The following STX3 variants were observed in gnomAD, a reference collection of about 807,000 sequenced individuals.
STX3 encodes the protein syntaxin-3.
In STX3, 19 loss-of-function variants were observed where a neutral mutation model predicts 40.2. That is an observed-to-expected ratio of 0.47 (90% confidence interval 0.33 to 0.69). The LOEUF is 0.69. Ranked by LOEUF, STX3 falls within the 30% of genes least tolerant of loss-of-function variation. The pLI, the probability that STX3 is intolerant of heterozygous loss-of-function variation, is 0.02. For missense variants in STX3, 364 were observed against 366.7 expected (o/e 0.99, Z 0.06); for synonymous variants, 122 against 132.2 (o/e 0.92, Z 0.53).
chr11:59,784,420 G>T (rs1399279935), intron 2 of STX3, among the ~76,000 whole-genome samples: 1 of 152,226 alleles, frequency 6.6e-6, no homozygotes, highest in Non-Finnish European at 1.5e-5. Flanking sequence ...ATGGTGTGAT[G>T]CAATGACATG....
At chr11:59,760,966 A>G (rs1590745892) in intron 1 of STX3, among the ~76,000 whole-genome samples, 1 of 152,198 alleles carries the variant, frequency 6.6e-6, no homozygotes, top group East Asian at 1.9e-4. Flanking sequence ...CTCTTAGTTG[A>G]TTAATAACAG....
intron 10 of STX3, chr11:59,799,796 A>G: frequency 1.0e-6 from 1 of 985,384 alleles, no homozygotes; most frequent in Non-Finnish European, 1.2e-6. Flanking sequence ...ACAACCTCTC[A>G]TAGACAGGTG....
chr11:59,797,181 A>G (rs959214929), intron 9 of STX3, 102 bp from the exon 10 acceptor site: 5 of 804,088 alleles, frequency 6.2e-6, no homozygotes, highest in East Asian at 5.0e-5. Context: ...GACTGGTAAG[A>G]TATTTTCTAT....
chr11:59,792,022 G>A (rs1007473736), intron 5 of STX3, 85 bp from the exon 6 acceptor site: 1 of 1,083,060 alleles, frequency 9.2e-7, no homozygotes, highest in Non-Finnish European at 1.4e-6. Context: ...CAGTGCTATT[G>A]TAGATGGCTA....
At chr11:59,760,943 A>G (rs1862999745) in intron 1 of STX3, among the ~76,000 whole-genome samples, 1 of 152,224 alleles carries the variant, frequency 6.6e-6, no homozygotes, top group Non-Finnish European at 1.5e-5. Context: ...GTAAGCCTGT[A>G]TTAAACATTT....
At chr11:59,792,808 G>A (rs2135017934) in intron 6 of STX3, among the ~76,000 whole-genome samples, 1 of 152,304 alleles carries the variant, frequency 6.6e-6, no homozygotes, top group East Asian at 1.9e-4. Context: ...GCTTGCCCAT[G>A]AACTAGCATG....
At chr11:59,770,384 G>A (rs1440922260) in intron 1 of STX3, among the ~76,000 whole-genome samples, 1 of 151,536 alleles carries the variant, frequency 6.6e-6, no homozygotes, top group Non-Finnish European at 1.5e-5. Flanking sequence ...TATAGGGTGT[G>A]TGTGTCTGTG....
upstream of STX3, chr11:59,755,021 A>C (rs1274985580): frequency 6.6e-6 from 1 of 152,184 alleles, no homozygotes; most frequent in African/African-American, 2.4e-5. Flanking sequence ...ACTGCCACCC[A>C]ATGTAGCCCA....
At chr11:59,781,090 T>TC (rs1565177280) in intron 2 of STX3, among the ~76,000 whole-genome samples, 3 of 146,094 alleles carry the variant, frequency 2.1e-5, no homozygotes, top group Non-Finnish European at 4.5e-5. Context: ...GTTTTCTTTT[T>TC]TTTTTTTTTT....
chr11:59,761,917 G>T (rs760993756), intron 1 of STX3, among the ~76,000 whole-genome samples: 1 of 151,934 alleles, frequency 6.6e-6, no homozygotes, highest in Non-Finnish European at 1.5e-5. Context: ...GTCCTCTCCT[G>T]GTTCCCTCAC....
At chr11:59,758,713 A>C (rs894190874) in intron 1 of STX3, among the ~76,000 whole-genome samples, 1 of 152,140 alleles carries the variant, frequency 6.6e-6, no homozygotes, top group Non-Finnish European at 1.5e-5. Flanking sequence ...CAGTGCCTCT[A>C]CCCAGCCTAT....
rs75785944 is a variant in STX3, at chr11:59,795,880, A to G, written c.786+398A>G. Among the ~76,000 whole-genome samples the G allele has an allele frequency of 3.2e-3, 484 of 152,054 alleles. 14 individuals carry two copies. In the East Asian group the frequency reaches 0.078, roughly 25 times the overall value. ...GACAAGCTGCCTGCCCTTCCTTCCC[A>G]GGTGTGCCTTGCATGGATCTGGCTC... On this transcript the variant is annotated intron_variant, in intron 9 of 10. Coordinates refer to ENST00000337979, the MANE Select transcript of STX3 (RefSeq NM_004177.5).
chr11:59,777,931 G>C (rs1242003508), intron 2 of STX3, among the ~76,000 whole-genome samples: 1 of 152,144 alleles, frequency 6.6e-6, no homozygotes, highest in Non-Finnish European at 1.5e-5. Flanking sequence ...TCTTGTAGAG[G>C]CTTTTAAAAT....
At chr11:59,797,170 A>C in intron 9 of STX3, 113 bp from the exon 10 acceptor site, 1 of 737,334 alleles carries the variant, frequency 1.4e-6, no homozygotes, top group Non-Finnish European at 2.4e-6. Context: ...CCTCTTACTC[A>C]GACTGGTAAG....
intron 8 of STX3, 120 bp downstream of exon 8, chr11:59,793,634 T>C: frequency 2.9e-6 from 4 of 1,372,220 alleles, no homozygotes; most frequent in Non-Finnish European, 3.9e-6. Context: ...CATTGGGAAT[T>C]TGCATAAAGG....
At chr11:59,787,822 C>T (rs1199407771) in intron 3 of STX3, among the ~76,000 whole-genome samples, 2 of 152,188 alleles carry the variant, frequency 1.3e-5, no homozygotes, top group African/African-American at 4.8e-5. Context: ...GGTTTGGACA[C>T]GGGTGGTTTA....
intron 9 of STX3, 104 bp downstream of exon 9, chr11:59,795,586 T>A (rs752375370): frequency 1.9e-6 from 3 of 1,544,828 alleles, no homozygotes; most frequent in Non-Finnish European, 2.6e-6. Flanking sequence ...CCACCACCTC[T>A]TGCATCTGGG....
At chr11:59,789,849 T>G (rs1203342685) in intron 4 of STX3, among the ~76,000 whole-genome samples, 1 of 152,154 alleles carries the variant, frequency 6.6e-6, no homozygotes, top group Non-Finnish European at 1.5e-5. Context: ...TCCCATACCC[T>G]CACTCCCCCC....
At chr11:59,780,500 T>C (rs1456360999) in intron 2 of STX3, among the ~76,000 whole-genome samples, 1 of 152,078 alleles carries the variant, frequency 6.6e-6, no homozygotes, top group Non-Finnish European at 1.5e-5. Flanking sequence ...ATTAAGACAG[T>C]GAGGTACTAG....
Sources: gnomAD v4.1 joint callset for allele counts (sites outside exome capture counted in the v4.1 genomes callset) on GRCh38, gnomAD v4.1.1 for gene constraint, MANE v1.5 for transcripts, NCBI Gene and HGNC (gene_info 2026-07-23, HGNC 2026-07-21) for gene names.